The following NEMP2 variants were observed in gnomAD, a reference collection of about 807,000 sequenced individuals.
The protein encoded by NEMP2 is UPF0571 transmembrane protein.
A neutral mutation model predicts 54.2 loss-of-function variants in NEMP2; 53 were observed. The ratio of observed to expected loss-of-function variants is 0.98; its 90% CI spans 0.78 to 1.23. The LOEUF (loss-of-function observed/expected upper bound fraction) is 1.23. Among genes scored for constraint, NEMP2 ranks in the 50% most tolerant of loss-of-function variants. The pLI is 0.00. For missense variants in NEMP2, 455 were observed against 511.3 expected (o/e 0.89, Z 1.06); for synonymous variants, 197 against 190.3 (o/e 1.04, Z -0.29).
chr2:190,518,787 AG>A lies in NEMP2; in HGVS notation c.466del (p.Val157CysfsTer15), dbSNP rs756925699. On this transcript the variant is annotated frameshift_variant, in exon 4 of 9. Transcript: ENST00000409150. LOFTEE classifies it high-confidence loss of function. Reference sequence around the variant, plus strand: ...AAGAAAAACTCCTGCCACAAACACAAGGAAGAGTTTGAAATCCATGACTGGA... The same window carrying A: ...AAGAAAAACTCCTGCCACAAACACAAGAAGAGTTTGAAATCCATGACTGGA... The part of the protein sequence containing the change: ...NRNIMDFKLF[L>X]VFVAGVFLFF... The A allele has an allele frequency of 1.9e-6, 3 of 1,546,896 alleles. No individual in the cohort carries two copies. The South Asian group carries it at 3.7e-5, about 19-fold the overall frequency.
downstream of NEMP2, among the ~76,000 whole-genome samples, chr2:190,504,146 TAC>T (rs1553527998): frequency 6.6e-6 from 1 of 152,080 alleles, no homozygotes; most frequent in Admixed American, 6.5e-5. The surrounding 1 kb of genome is among the most constrained non-coding windows in gnomAD (Gnocchi z 5.6). Flanking sequence ...AGTGAGAACT[TAC>T]ACACACATAG....
At chr2:190,443,020 G>C in the NEMP2 span, 1 of 152,142 alleles carries the variant, frequency 6.6e-6, no homozygotes, top group East Asian at 1.9e-4. This position sits in a 1 kb window ranked among gnomAD's most constrained non-coding sequence, Gnocchi z 4.2. Context: ...GTATCCTTAT[G>C]CTTGAGAATA....
At chr2:190,574,440 A>G in the NEMP2 span, among the ~76,000 whole-genome samples, 1 of 152,200 alleles carries the variant, frequency 6.6e-6, no homozygotes, top group African/African-American at 2.4e-5. Flanking sequence ...CCTAATATTT[A>G]CAGATTCTTT....
chr2:190,438,304 T>C, the NEMP2 span, among the ~76,000 whole-genome samples: 7 of 151,900 alleles, frequency 4.6e-5, no homozygotes, highest in Admixed American at 6.6e-5. The surrounding 1 kb of genome is among the most constrained non-coding windows in gnomAD (Gnocchi z 5.2). Context: ...TCACTTGAGG[T>C]CAGGAGTTCG....
At chr2:190,643,378 TTG>T in the NEMP2 span, among the ~76,000 whole-genome samples, 1 of 152,188 alleles carries the variant, frequency 6.6e-6, no homozygotes, top group Non-Finnish European at 1.5e-5. Context: ...GGAGAAACAC[TTG>T]TGTCAGTGTT....
In NEMP2 at chr2:190,509,510, G is replaced by C. The variant is rs1177059359; in HGVS notation, c.1131-198C>G. On this transcript the variant is annotated intron_variant, in intron 8 of 8. Transcript: ENST00000409150. This position sits in a 1 kb window ranked among gnomAD's most constrained non-coding sequence, Gnocchi z 6.1. ...AAAACAGCTATTCATGGAAAGGGCA[G>C]AGAATTAGGGCAGATATATAAGCAC... Among the ~76,000 whole-genome samples the C allele has an allele frequency of 6.6e-6, 1 of 152,170 alleles. No homozygotes were observed. Among genetic ancestry groups the C allele is most frequent in the Non-Finnish European group, 1.5e-5 (1 of 68,016 alleles).
the NEMP2 span, among the ~76,000 whole-genome samples, chr2:190,596,474 G>A: frequency 6.6e-6 from 1 of 152,214 alleles, no homozygotes. The surrounding 1 kb of genome is among the most constrained non-coding windows in gnomAD (Gnocchi z 5.1). Context: ...AATAAGGTTT[G>A]CATGGACATA....
At chr2:190,467,387 C>T in the NEMP2 span, among the ~76,000 whole-genome samples, 16 of 152,208 alleles carry the variant, frequency 1.1e-4, no homozygotes, top group Middle Eastern at 3.4e-3. The surrounding 1 kb of genome is among the most constrained non-coding windows in gnomAD (Gnocchi z 5.5). Context: ...CCGAGGTGGG[C>T]GGACTACCTG....
rs1013965499 is a variant in NEMP2 at position 190,508,087 on chromosome 2, A to G, written c.*1102T>C. 15 of 152,222 alleles carry G rather than the reference A, an allele frequency of 9.9e-5. No homozygotes were observed. The highest frequency in any genetic ancestry group is 3.6e-4 in the African/African-American group (15 of 41,458). 9.4% of individuals were successfully genotyped at this position (152,222 alleles called of 1,614,324 possible). On this transcript the variant is annotated 3_prime_UTR_variant, in exon 9 of 9. Coordinates refer to ENST00000409150, the MANE Select transcript of NEMP2 (RefSeq NM_001142645.2). This position sits in a 1 kb window ranked among gnomAD's most constrained non-coding sequence, Gnocchi z 4.3. ...TCAAGAAAAAAAATCATTTTATAAG[A>G]AATTGTTACAAACACCTATAGCTAA...
chr2:190,551,714 A>G, the NEMP2 span, among the ~76,000 whole-genome samples: 4 of 152,134 alleles, frequency 2.6e-5, no homozygotes, highest in Non-Finnish European at 5.9e-5. Context: ...TCGCCTCAAT[A>G]CTTTTCTGTT....
At chr2:190,579,434 AG>A in the NEMP2 span, among the ~76,000 whole-genome samples, 1 of 152,062 alleles carries the variant, frequency 6.6e-6, no homozygotes, top group Admixed American at 6.6e-5. Flanking sequence ...TAGGGTGTTT[AG>A]GGGGAATTCC....
chr2:190,642,795 G>T, the NEMP2 span, among the ~76,000 whole-genome samples: 1 of 151,942 alleles, frequency 6.6e-6, no homozygotes, highest in Non-Finnish European at 1.5e-5. The surrounding 1 kb of genome is among the most constrained non-coding windows in gnomAD (Gnocchi z 4.1). Context: ...AGATCTTGTA[G>T]GTCATAAGCC....
chr2:190,515,133 A>G (rs1690508447), intron 6 of NEMP2, among the ~76,000 whole-genome samples: 1 of 152,210 alleles, frequency 6.6e-6, no homozygotes, highest in South Asian at 2.1e-4. Context: ...ACTATAAGCT[A>G]TTCTGTGTCT....
chr2:190,452,403 A>G, the NEMP2 span, among the ~76,000 whole-genome samples: 1 of 152,244 alleles, frequency 6.6e-6, no homozygotes, highest in Non-Finnish European at 1.5e-5. Context: ...GCATCGTGCT[A>G]AATGCTTTTC....
the NEMP2 span, among the ~76,000 whole-genome samples, chr2:190,584,166 T>C: frequency 1.3e-5 from 2 of 152,300 alleles, no homozygotes; most frequent in African/African-American, 4.8e-5. The surrounding 1 kb of genome is among the most constrained non-coding windows in gnomAD (Gnocchi z 4.2). Context: ...TGAGATGACA[T>C]GACAAAGTGG....
chr2:190,596,576 T>C, the NEMP2 span, among the ~76,000 whole-genome samples: 1 of 152,224 alleles, frequency 6.6e-6, no homozygotes, highest in Non-Finnish European at 1.5e-5. This position sits in a 1 kb window ranked among gnomAD's most constrained non-coding sequence, Gnocchi z 5.1. Context: ...AAGTCTGTGA[T>C]GCTACTTATT....
the NEMP2 span, chr2:190,629,913 GA>G: frequency 6.6e-6 from 1 of 152,202 alleles, no homozygotes; most frequent in Non-Finnish European, 1.5e-5. Context: ...ACTGTAACAG[GA>G]AATAAAACAT....
the NEMP2 span, among the ~76,000 whole-genome samples, chr2:190,452,774 A>T: frequency 2.6e-5 from 4 of 152,122 alleles, no homozygotes; most frequent in African/African-American, 9.7e-5. Flanking sequence ...TCCCCAAATT[A>T]TTCCTTTTAT....
At chr2:190,632,250 T>C in the NEMP2 span, among the ~76,000 whole-genome samples, 1 of 152,224 alleles carries the variant, frequency 6.6e-6, no homozygotes, top group Admixed American at 6.5e-5. The surrounding 1 kb of genome is among the most constrained non-coding windows in gnomAD (Gnocchi z 4.8). Context: ...TGGTCCATGC[T>C]GTGGCAAATG....
Sources: gnomAD v4.1 joint callset for allele counts (sites outside exome capture counted in the v4.1 genomes callset) on GRCh38, gnomAD v4.1.1 for gene constraint, Gnocchi (gnomAD v3.1) non-coding constraint, MANE v1.5 for transcripts, NCBI Gene and HGNC (gene_info 2026-07-23, HGNC 2026-07-21) for gene names.